The following TENM4 variants were observed in gnomAD, a reference collection of about 807,000 sequenced individuals.
The protein encoded by TENM4 is teneurin-4.
In TENM4, 82 loss-of-function variants were observed where a neutral mutation model predicts 243.3. The observed-to-expected ratio is 0.34, with a 90% CI of 0.28 to 0.40. The LOEUF (loss-of-function observed/expected upper bound fraction) is 0.40, where lower values mean the gene tolerates loss of function less well. TENM4 is among the 10% of genes least tolerant of loss of function. The pLI is 1.00. For synonymous variants in TENM4, 1,412 were observed against 1,456.3 expected (o/e 0.97, Z 0.69); for missense variants, 3,138 against 3,673.3 (o/e 0.85, Z 3.77).
rs748452122 is a variant in TENM4 at position 78,927,222 on chromosome 11, G to T, written c.494-23699C>A. 2.0e-5 allele frequency among the ~76,000 whole-genome samples: 3 copies of T among 152,298 alleles called. No individual in the cohort carries two copies. In the South Asian group the frequency reaches 6.2e-4, roughly 32 times the overall value. Reference sequence around the variant, plus strand: ...ATGTTAAAATAGTTTGCTAGCTGCTGTGTGCCATTTTTTAACTGATATATT... The same window carrying T: ...ATGTTAAAATAGTTTGCTAGCTGCTTTGTGCCATTTTTTAACTGATATATT... On this transcript the variant is annotated intron_variant, in intron 6 of 33. Transcript: ENST00000278550.
intron 4 of TENM4, among the ~76,000 whole-genome samples, chr11:79,094,556 G>A (rs892003555): frequency 1.8e-4 from 28 of 152,188 alleles, no homozygotes; most frequent in African/African-American, 6.5e-4. Flanking sequence ...TCAGTGAGAA[G>A]TGTCAAATTC....
In TENM4 at chr11:79,268,792, G is replaced by C. The variant is rs552102095; in HGVS notation, c.-265+28696C>G. On this transcript the variant is annotated intron_variant, in intron 2 of 33. Coordinates refer to ENST00000278550, the MANE Select transcript of TENM4 (RefSeq NM_001098816.3). The stretch of plus-strand genomic sequence containing the variant: ...TTCACATTTTTGTGCTGTGCTTTTT[G>C]TTGGTGATTTCATTGCTTGAAATGT... Among the ~76,000 whole-genome samples the C allele has an allele frequency of 6.6e-5, 10 of 152,232 alleles. No individual in the cohort carries two copies. The South Asian group carries it at 1.5e-3, about 22-fold the overall frequency.
intron 2 of TENM4, among the ~76,000 whole-genome samples, chr11:79,248,446 G>A (rs1855556848): frequency 1.3e-5 from 2 of 152,166 alleles, no homozygotes; most frequent in Non-Finnish European, 2.9e-5. Context: ...CAGAGTAAAT[G>A]TATGGAGAAT....
chr11:78,981,151 G>C (rs560540742), intron 6 of TENM4, among the ~76,000 whole-genome samples: 1 of 152,230 alleles, frequency 6.6e-6, no homozygotes, highest in South Asian at 2.1e-4. Flanking sequence ...TATGACAGGT[G>C]TGTGTATGCG....
intron 6 of TENM4, among the ~76,000 whole-genome samples, chr11:78,982,290 C>A (rs1857816484): frequency 6.6e-6 from 1 of 152,160 alleles, no homozygotes; most frequent in South Asian, 2.1e-4. Flanking sequence ...TCTAACAAGG[C>A]AGATACAATA....
At chr11:79,101,513 G>C (rs903187878) in intron 4 of TENM4, among the ~76,000 whole-genome samples, 68 of 152,200 alleles carry the variant, frequency 4.5e-4, no homozygotes, top group Non-Finnish European at 7.3e-5. Flanking sequence ...TGGCGGAGAG[G>C]CTCTTGATTG....
At chr11:78,790,046 C>A (rs552916343) in intron 15 of TENM4, among the ~76,000 whole-genome samples, 1 of 152,296 alleles carries the variant, frequency 6.6e-6, no homozygotes, top group South Asian at 2.1e-4. Context: ...TTCATGTATT[C>A]TTCTAATAAT....
chr11:78,890,472 T>C (rs1483012873), intron 8 of TENM4, among the ~76,000 whole-genome samples: 2 of 152,224 alleles, frequency 1.3e-5, no homozygotes, highest in Non-Finnish European at 2.9e-5. Flanking sequence ...CCTCCAATGC[T>C]TCTGTTGCCG....
chr11:79,212,674 T>C (rs751947478), intron 3 of TENM4, among the ~76,000 whole-genome samples: 4 of 152,088 alleles, frequency 2.6e-5, no homozygotes, highest in Admixed American at 6.5e-5. Flanking sequence ...CGTGTGAAGC[T>C]AACTCCAGGG....
At chr11:79,436,307 G>A (rs1859269926) in intron 1 of TENM4, among the ~76,000 whole-genome samples, 1 of 152,124 alleles carries the variant, frequency 6.6e-6, no homozygotes, top group African/African-American at 2.4e-5. Context: ...GGACGTTATT[G>A]GGACAATTGG....
chr11:78,783,724 G>C (rs2136027921), intron 16 of TENM4, among the ~76,000 whole-genome samples: 1 of 152,338 alleles, frequency 6.6e-6, no homozygotes, highest in East Asian at 1.9e-4. Flanking sequence ...TGTCATTGAA[G>C]AGGATGCCAC....
At chr11:79,270,064 G>A (rs1352496528) in intron 2 of TENM4, among the ~76,000 whole-genome samples, 1 of 151,994 alleles carries the variant, frequency 6.6e-6, no homozygotes, top group Non-Finnish European at 1.5e-5. Flanking sequence ...AGACTCCTCA[G>A]TGATTGCTGG....
At chr11:78,880,488 A>AAAAAAAAG (rs1368857006) in intron 9 of TENM4, among the ~76,000 whole-genome samples, 6 of 112,998 alleles carry the variant, frequency 5.3e-5, no homozygotes, top group African/African-American at 1.4e-4. Flanking sequence ...AAAAAAAAAA[A>AAAAAAAAG]AGAAAGAAAA....
At chr11:79,248,609 G>C (rs1010743249) in intron 2 of TENM4, among the ~76,000 whole-genome samples, 1 of 152,140 alleles carries the variant, frequency 6.6e-6, no homozygotes, top group Admixed American at 6.5e-5. Flanking sequence ...TTTTCAGGGG[G>C]AAAAAGTCTT....
chr11:78,688,791 GC>G, intron 28 of TENM4, among the ~76,000 whole-genome samples: 1 of 152,134 alleles, frequency 6.6e-6, no homozygotes, highest in Non-Finnish European at 1.5e-5. Context: ...ATGGTGTCTT[GC>G]CTCTTGCAAC....
rs188923951 is a variant in TENM4 at position 79,283,575 on chromosome 11, G to A, written c.-265+13913C>T. On this transcript the variant is annotated intron_variant, in intron 2 of 33. Transcript: ENST00000278550. Reference sequence around the variant, plus strand: ...AGAAGAAATACTTAACTTGATAGAGGTCATCTACAAAAAACTCACATCTAA... The same window carrying A: ...AGAAGAAATACTTAACTTGATAGAGATCATCTACAAAAAACTCACATCTAA... Among the ~76,000 whole-genome samples the A allele has an allele frequency of 2.0e-5, 3 of 152,202 alleles. No individual in the cohort carries two copies. The East Asian group carries it at 5.8e-4, about 29-fold the overall frequency.
intron 2 of TENM4, among the ~76,000 whole-genome samples, chr11:79,239,663 C>G (rs1864551180): frequency 6.6e-6 from 1 of 152,166 alleles, no homozygotes; most frequent in African/African-American, 2.4e-5. Context: ...AAGAAACTAA[C>G]AGTCGTTTGC....
At chr11:79,103,769 T>A (rs1861293110) in intron 4 of TENM4, among the ~76,000 whole-genome samples, 1 of 152,112 alleles carries the variant, frequency 6.6e-6, no homozygotes, top group Non-Finnish European at 1.5e-5. Flanking sequence ...AGATGCCCCT[T>A]CTAGAGACTC....
At position 79,144,254 on chromosome 11, in the gene TENM4, T is replaced by A. The variant is rs556197013; in HGVS notation, c.-66+4456A>T. ...AAGCAAATCAAAACTACATGAGACA[T>A]CATTTCATCCCATTTAAAATGGCTT... On this transcript the variant is annotated intron_variant, in intron 4 of 33. Transcript: ENST00000278550. Among the ~76,000 whole-genome samples the A allele has an allele frequency of 3.2e-4, 48 of 152,158 alleles. 2 individuals are homozygous for A. The South Asian group carries it at 9.7e-3, about 31-fold the overall frequency.
Sources: allele counts gnomAD v4.1 joint callset (sites outside exome capture counted in the v4.1 genomes callset), GRCh38; gene constraint gnomAD v4.1.1; transcripts MANE v1.5; gene names NCBI Gene and HGNC (gene_info 2026-07-23, HGNC 2026-07-21).